ARHGAP26: variants seen among roughly 807,000 people sequenced by gnomAD.
The protein encoded by ARHGAP26 is rho GTPase-activating protein 26.
In ARHGAP26, 38 loss-of-function variants were observed where a neutral mutation model predicts 104.8. The observed-to-expected ratio is 0.36, with a 90% CI of 0.28 to 0.48. The LOEUF is 0.48. Among genes scored for constraint, ARHGAP26 ranks in the 20% least tolerant of loss-of-function variants. The pLI is 0.99. For missense variants in ARHGAP26, 704 were observed against 947.9 expected (o/e 0.74, Z 3.38); for synonymous variants, 341 against 340.0 (o/e 1.00, Z -0.03).
chr5:143,084,747 G>A (rs551114182), intron 17 of ARHGAP26, among the ~76,000 whole-genome samples: 1 of 151,884 alleles, frequency 6.6e-6, no homozygotes, highest in Non-Finnish European at 1.5e-5. Flanking sequence ...CAACATCTCC[G>A]TTAGAAATAC....
intron 13 of ARHGAP26, 60 bp from the exon 14 acceptor site, chr5:143,041,756 A>C (rs1037088779): frequency 3.5e-6 from 4 of 1,150,972 alleles, no homozygotes; most frequent in Non-Finnish European, 3.8e-6. Context: ...ATTTGGCTGG[A>C]TTGGCCTGAC....
intron 14 of ARHGAP26, among the ~76,000 whole-genome samples, chr5:143,047,814 T>A (rs1029331380): frequency 2.2e-4 from 33 of 152,150 alleles, no homozygotes; most frequent in African/African-American, 7.5e-4. Flanking sequence ...CTTAAAAAAA[T>A]TTTTTTTGTT....
chr5:142,828,654 T>G (rs1445239954), intron 1 of ARHGAP26, among the ~76,000 whole-genome samples: 1 of 152,228 alleles, frequency 6.6e-6, no homozygotes, highest in East Asian at 1.9e-4. Flanking sequence ...CCATGAGGCA[T>G]CAACCATGTG....
chr5:142,957,662 C>T (rs1598389460), intron 11 of ARHGAP26, among the ~76,000 whole-genome samples: 1 of 152,344 alleles, frequency 6.6e-6, no homozygotes, highest in East Asian at 1.9e-4. Flanking sequence ...TCTCTGCTAC[C>T]GTGTGCCAGG....
rs192812902 is a variant in ARHGAP26, at chr5:142,869,357, A to T, written c.155-4043A>T. Reference sequence around the variant, plus strand: ...TGAGTAGCTGGGATTACAGGTGCACACCAGTACACCCGGCTATTTTATTTT... The same window carrying T: ...TGAGTAGCTGGGATTACAGGTGCACTCCAGTACACCCGGCTATTTTATTTT... On this transcript the variant is annotated intron_variant, in intron 1 of 22. Coordinates refer to ENST00000645722, the MANE Select transcript of ARHGAP26 (RefSeq NM_001135608.3). 2.1e-3 allele frequency among the ~76,000 whole-genome samples: 314 copies of T among 150,098 alleles called. 2 individuals are homozygous for T. Among genetic ancestry groups the T allele is most frequent in the East Asian group, 4.7e-3 (24 of 5,084 alleles).
chr5:143,147,522 C>G lies in ARHGAP26; in HGVS notation c.1988+141C>G, dbSNP rs544780922. 4.0e-6 allele frequency: 4 copies of G among 1,001,108 alleles called. No individual in the cohort carries two copies. In the African/African-American group the frequency reaches 4.9e-5, roughly 12 times the overall value. 62.0% of individuals were successfully genotyped at this position (1,001,108 alleles called of 1,614,324 possible). A position where few individuals can be genotyped will look rare whatever the true frequency, so the allele number is the denominator to read the frequency against. ...CCTCCTCCCTAAACTGGGAGCTCAG[C>G]TGGCTTGTTGTGGGTTTTTAAAGCA... On this transcript the variant is annotated intron_variant, in intron 20 of 22. Transcript: ENST00000645722.
At chr5:142,950,912 T>G (rs1768231242) in intron 11 of ARHGAP26, among the ~76,000 whole-genome samples, 1 of 152,236 alleles carries the variant, frequency 6.6e-6, no homozygotes, top group African/African-American at 2.4e-5. Context: ...AAGTAGATTC[T>G]AGGTTGGTAG....
intron 20 of ARHGAP26, among the ~76,000 whole-genome samples, chr5:143,178,742 C>G (rs549845796): frequency 1.3e-5 from 2 of 152,342 alleles, no homozygotes; most frequent in South Asian, 4.1e-4. Flanking sequence ...GTTCATACTT[C>G]GTTTTTCAAG....
chr5:142,800,642 G>C (rs992676895), intron 1 of ARHGAP26, among the ~76,000 whole-genome samples: 3 of 152,172 alleles, frequency 2.0e-5, no homozygotes, highest in Non-Finnish European at 1.5e-5. Context: ...GATTACAGGC[G>C]TGAGCCACTG....
chr5:142,853,022 G>T (rs1400542666), intron 1 of ARHGAP26, among the ~76,000 whole-genome samples: 1 of 152,106 alleles, frequency 6.6e-6, no homozygotes, highest in Non-Finnish European at 1.5e-5. Flanking sequence ...GAGCTCCAAA[G>T]GTGGAGGAAG....
chr5:143,057,959 C>T, intron 17 of ARHGAP26: 2 of 682,052 alleles, frequency 2.9e-6, no homozygotes, highest in East Asian at 2.9e-5. Flanking sequence ...GGGAAGTGCT[C>T]ATGCAACCAG....
chr5:143,164,184 T>A (rs1289235274), intron 20 of ARHGAP26, among the ~76,000 whole-genome samples: 1 of 152,196 alleles, frequency 6.6e-6, no homozygotes, highest in Non-Finnish European at 1.5e-5. Context: ...GAAGGATTAT[T>A]TTCTGACCTT....
chr5:143,000,633 C>T (rs1777062945), intron 11 of ARHGAP26, among the ~76,000 whole-genome samples: 1 of 152,092 alleles, frequency 6.6e-6, no homozygotes, highest in Admixed American at 6.5e-5. Context: ...AATTCAAATG[C>T]TCATCAATGA....
intron 11 of ARHGAP26, among the ~76,000 whole-genome samples, chr5:143,012,556 T>TATATATATATACAC (rs1554195659): frequency 1.7e-5 from 1 of 59,110 alleles, no homozygotes; most frequent in African/African-American, 5.4e-5. Context: ...TACATACATA[T>TATATATATATACAC]ATATATATAT....
At chr5:143,071,572 G>T (rs369199850) in intron 17 of ARHGAP26, among the ~76,000 whole-genome samples, 19 of 152,314 alleles carry the variant, frequency 1.2e-4, no homozygotes, top group African/African-American at 4.1e-4. Flanking sequence ...TCTGGGAAAA[G>T]ATTTTATGAA....
At chr5:143,218,007 G>A (rs1270414024) in intron 22 of ARHGAP26, among the ~76,000 whole-genome samples, 1 of 152,194 alleles carries the variant, frequency 6.6e-6, no homozygotes, top group East Asian at 1.9e-4. Flanking sequence ...AGCTTTGCAG[G>A]CCTTCTTTAT....
intron 17 of ARHGAP26, among the ~76,000 whole-genome samples, chr5:143,098,426 C>T (rs918577572): frequency 2.8e-4 from 43 of 151,948 alleles, no homozygotes; most frequent in African/African-American, 9.9e-4. Flanking sequence ...GACTTAAAAC[C>T]AGTTCTTGGG....
intron 11 of ARHGAP26, among the ~76,000 whole-genome samples, chr5:142,950,171 G>GGT (rs1222594223): frequency 1.3e-5 from 2 of 151,988 alleles, no homozygotes; most frequent in African/African-American, 2.4e-5. Flanking sequence ...GTATGGGTAG[G>GGT]GTGTGTGTGT....
chr5:143,094,212 G>T (rs2150555465), intron 17 of ARHGAP26, among the ~76,000 whole-genome samples: 1 of 152,358 alleles, frequency 6.6e-6, no homozygotes, highest in East Asian at 1.9e-4. Flanking sequence ...TTTGCTGCGT[G>T]GTGTCTTTTT....
Sources: allele counts gnomAD v4.1 joint callset (sites outside exome capture counted in the v4.1 genomes callset), GRCh38; gene constraint gnomAD v4.1.1; transcripts MANE v1.5; gene names NCBI Gene and HGNC (gene_info 2026-07-23, HGNC 2026-07-21).